Variants in PKN2 observed in about 807,000 individuals in gnomAD.
The protein encoded by PKN2 is serine/threonine-protein kinase N2.
In PKN2, 38 loss-of-function variants were observed where a neutral mutation model predicts 119.1. The ratio of observed to expected loss-of-function variants is 0.32; its 90% CI spans 0.25 to 0.42. The LOEUF (loss-of-function observed/expected upper bound fraction) is 0.42, where lower values mean the gene tolerates loss of function less well. Among genes scored for constraint, PKN2 ranks in the 10% least tolerant of loss-of-function variants. The pLI is 1.00. For synonymous variants in PKN2, 390 were observed against 384.9 expected (o/e 1.01, Z -0.15); for missense variants, 850 against 1,165.1 (o/e 0.73, Z 3.94).
intron 1 of PKN2, among the ~76,000 whole-genome samples, chr1:88,707,458 T>G (rs1667047273): frequency 6.6e-6 from 1 of 152,124 alleles, no homozygotes; most frequent in Admixed American, 6.5e-5. Context: ...TTTGTATAGA[T>G]GATTATATGA....
chr1:88,776,403 A>T (rs1670107187), intron 6 of PKN2, among the ~76,000 whole-genome samples: 1 of 151,282 alleles, frequency 6.6e-6, no homozygotes, highest in Non-Finnish European at 1.5e-5. Flanking sequence ...TTTGGTATAT[A>T]TATAGAATTC....
At chr1:88,774,316 A>G (rs530405727) in intron 6 of PKN2, among the ~76,000 whole-genome samples, 2 of 152,304 alleles carry the variant, frequency 1.3e-5, no homozygotes, top group Admixed American at 1.3e-4. Context: ...ATTGAATTCA[A>G]TCTCCAGCCT....
chr1:88,758,856 A>G (rs561617769), intron 2 of PKN2, among the ~76,000 whole-genome samples: 1 of 152,124 alleles, frequency 6.6e-6, no homozygotes, highest in Non-Finnish European at 1.5e-5. Flanking sequence ...ATACACATGT[A>G]TGTGTCTTTA....
chr1:88,719,515 TAAA>T (rs906994765), intron 1 of PKN2, among the ~76,000 whole-genome samples: 1 of 152,206 alleles, frequency 6.6e-6, no homozygotes, highest in Non-Finnish European at 1.5e-5. Flanking sequence ...GTTGTATACT[TAAA>T]AACAACAAAG....
Position 88,813,597 on chromosome 1 carries a change from G to T in PKN2, c.2143G>T (p.Val715Leu), listed in dbSNP as rs375403448. ...AAGAATTTTTGAAACTGTGAATAGT[G>T]TAAGGCATCCCTTTTTGGTGAACCT... ...EKRIFETVNSVRHPFLVNLFA... is the reference protein window; with the variant it reads ...EKRIFETVNSLRHPFLVNLFA... The change falls in exon 16 of 22, where the codon GTA (valine) becomes TTA (leucine). Residue 715 changes from valine to leucine, a missense_variant. Transcript: ENST00000370521. 6.2e-7 allele frequency: 1 copy of T among 1,607,908 alleles called. No individual in the cohort carries two copies. The highest frequency in any genetic ancestry group is 1.3e-5 in the African/African-American group (1 of 74,516).
At chr1:88,750,279 A>G (rs372482050) in intron 2 of PKN2, among the ~76,000 whole-genome samples, 2 of 152,200 alleles carry the variant, frequency 1.3e-5, no homozygotes, top group East Asian at 1.9e-4. Flanking sequence ...CTAATCTCCA[A>G]CACAATCAAG....
In PKN2 at chr1:88,685,254, CT is replaced by C. The variant is rs560919251; in HGVS notation, c.48+639del. On this transcript the variant is annotated intron_variant, in intron 1 of 21. Coordinates refer to ENST00000370521, the MANE Select transcript of PKN2 (RefSeq NM_006256.4). ...TTATCTTTTTCTTTTCTTTTCCTTT[CT>C]TTTTTTTTTTTTAACCGAGTGATAA... 4.7e-3 allele frequency: 673 copies of C among 144,128 alleles called. 1 individual carries two copies. Among genetic ancestry groups the C allele is most frequent in the Admixed American group, 8.4e-3 (120 of 14,370 alleles). The allele number at this position is 144,128 out of a possible 1,614,324, so 8.9% of individuals were successfully genotyped here.
chr1:88,703,069 T>C (rs1039840904), intron 1 of PKN2, among the ~76,000 whole-genome samples: 1 of 152,208 alleles, frequency 6.6e-6, no homozygotes, highest in African/African-American at 2.4e-5. Context: ...CTTCCCGCAC[T>C]CCTTGTCCCT....
In PKN2 at chr1:88,833,742, AAAAG is replaced by A. The variant is rs1377526572; in HGVS notation, c.*302_*305del. The A allele has an allele frequency of 1.1e-5, 3 of 276,650 alleles. No homozygotes were observed. Among genetic ancestry groups the A allele is most frequent in the Middle Eastern group, 1.1e-3 (1 of 888 alleles). 17.1% of individuals were successfully genotyped at this position (276,650 alleles called of 1,614,324 possible). A position where few individuals can be genotyped will look rare whatever the true frequency, so the allele number is the denominator to read the frequency against. The stretch of plus-strand genomic sequence containing the variant: ...CTTTTGGATCAATAGTCTATTTTTA[AAAAG>A]AAAGAAAAAAACCACTTTTTTATAG... On this transcript the variant is annotated 3_prime_UTR_variant, in exon 22 of 22. Coordinates refer to ENST00000370521, the MANE Select transcript of PKN2 (RefSeq NM_006256.4).
intron 1 of PKN2, among the ~76,000 whole-genome samples, chr1:88,722,291 C>T (rs370156836): frequency 2.6e-5 from 4 of 152,166 alleles, no homozygotes; most frequent in South Asian, 2.1e-4. Flanking sequence ...AATATGTATG[C>T]GACCTAATGG....
intron 8 of PKN2, among the ~76,000 whole-genome samples, chr1:88,803,500 G>A (rs1286706848): frequency 6.6e-6 from 1 of 152,090 alleles, no homozygotes; most frequent in Non-Finnish European, 1.5e-5. Flanking sequence ...TAATAGAAAA[G>A]TCCAGTACTT....
rs188564596 is a variant in PKN2, at chr1:88,812,166, A to C, written c.2103-1391A>C. ...TTTTTGTGTGCTATAAAATGCATAA[A>C]ATTAAAATTATTTTGACAATTTGGA... On this transcript the variant is annotated intron_variant, in intron 15 of 21. Coordinates refer to ENST00000370521, the MANE Select transcript of PKN2 (RefSeq NM_006256.4). 5.3e-5 allele frequency among the ~76,000 whole-genome samples: 8 copies of C among 152,318 alleles called. 2 individuals are homozygous for C. The highest frequency in any genetic ancestry group is 1.9e-4 in the African/African-American group (8 of 41,576).
At chr1:88,697,566 C>T (rs1666591105) in intron 1 of PKN2, among the ~76,000 whole-genome samples, 1 of 152,072 alleles carries the variant, frequency 6.6e-6, no homozygotes, top group South Asian at 2.1e-4. Flanking sequence ...TTGCCTTGTT[C>T]TGCTGTTATT....
At chr1:88,747,062 CGT>C (rs1249958940) in intron 2 of PKN2, among the ~76,000 whole-genome samples, 4 of 152,072 alleles carry the variant, frequency 2.6e-5, no homozygotes, top group African/African-American at 9.6e-5. Flanking sequence ...AATTCATTGA[CGT>C]AGAAGAGAAT....
chr1:88,756,038 A>G (rs1187442384), intron 2 of PKN2, among the ~76,000 whole-genome samples: 2 of 151,096 alleles, frequency 1.3e-5, no homozygotes, highest in African/African-American at 2.4e-5. Context: ...CAGCCTCCCT[A>G]GTATCTGGGA....
rs1014254723 is a variant in PKN2 at position 88,778,602 on chromosome 1, A to G, written c.986-6037A>G. Reference sequence around the variant, plus strand: ...TCCTCCCAGTTTCTTTGGCTTTTCTATTGTTTACCCCAACTGATCCTCTTT... The same window carrying G: ...TCCTCCCAGTTTCTTTGGCTTTTCTGTTGTTTACCCCAACTGATCCTCTTT... On this transcript the variant is annotated intron_variant, in intron 6 of 21. Transcript: ENST00000370521. Among the ~76,000 whole-genome samples the G allele has an allele frequency of 5.3e-5, 8 of 151,806 alleles. No homozygotes were observed. The East Asian group carries it at 1.2e-3, about 22-fold the overall frequency.
intron 2 of PKN2, among the ~76,000 whole-genome samples, chr1:88,752,327 C>G (rs1340169938): frequency 1.3e-5 from 2 of 151,746 alleles, no homozygotes; most frequent in African/African-American, 4.8e-5. Flanking sequence ...AGTCTTTGTC[C>G]CAGTTGATAC....
chr1:88,808,580 A>G (rs1389650426), intron 15 of PKN2, among the ~76,000 whole-genome samples: 1 of 152,222 alleles, frequency 6.6e-6, no homozygotes, highest in African/African-American at 2.4e-5. Context: ...CTGGGATTAC[A>G]GGTGTGAGCC....
intron 3 of PKN2, among the ~76,000 whole-genome samples, chr1:88,765,758 C>G (rs1557596532): frequency 1.3e-5 from 2 of 152,100 alleles, no homozygotes; most frequent in Non-Finnish European, 2.9e-5. Flanking sequence ...ACTCGGGAAA[C>G]CTTTCTGGAT....
Sources: gnomAD v4.1 joint callset for allele counts (sites outside exome capture counted in the v4.1 genomes callset) on GRCh38, gnomAD v4.1.1 for gene constraint, MANE v1.5 for transcripts, NCBI Gene and HGNC (gene_info 2026-07-23, HGNC 2026-07-21) for gene names.